Variants in AKAP13 observed in about 807,000 individuals in gnomAD.
AKAP13 encodes the protein A-kinase anchoring protein 13.
Under a neutral mutation model 264.5 loss-of-function variants are expected in AKAP13, and 80 were observed. The observed-to-expected ratio is 0.30, with a 90% confidence interval of 0.25 to 0.36. The LOEUF is 0.36. Ranked by LOEUF, AKAP13 falls within the 10% of genes least tolerant of loss-of-function variation. The probability of loss-of-function intolerance (pLI) is 1.00; values close to 1 mark genes in which losing one functional copy is unlikely to be tolerated. For synonymous variants in AKAP13, 1,380 were observed against 1,250.2 expected, an observed-to-expected ratio of 1.10 and a Z score of -2.19; for missense variants, 3,712 against 3,435.2, an observed-to-expected ratio of 1.08 and a Z score of -2.01.
At chr15:85,449,977 GT>G (rs756224095) in intron 1 of AKAP13, among the ~76,000 whole-genome samples, 6 of 152,048 alleles carry the variant, frequency 3.9e-5, no homozygotes, top group Non-Finnish European at 7.4e-5. Flanking sequence ...TTTTGTAATA[GT>G]TTCTGTAAGA....
intron 2 of AKAP13, among the ~76,000 whole-genome samples, chr15:85,497,340 T>C (rs1284332346): frequency 6.6e-6 from 1 of 152,214 alleles, no homozygotes; most frequent in African/African-American, 2.4e-5. Flanking sequence ...GGAGTGCTGC[T>C]AGACGAGCTG....
chr15:85,403,641 G>A (rs139372469), intron 1 of AKAP13, among the ~76,000 whole-genome samples: 1 of 152,056 alleles, frequency 6.6e-6, no homozygotes, highest in African/African-American at 2.4e-5. Flanking sequence ...AGGAGTTCGA[G>A]ATCAGCCTGA....
In AKAP13 at chr15:85,578,001, G is replaced by A. The variant is rs929853489; in HGVS notation, c.862-929G>A. ...CTTCTGAAGACAATGAAAAATATAG[G>A]TGGGACACAGTGGTGTAGGCCCTAT... On this transcript the variant is annotated intron_variant, in intron 6 of 36. Coordinates refer to ENST00000394518, the MANE Select transcript of AKAP13 (RefSeq NM_007200.5). The A allele has an allele frequency of 1.6e-5, 3 of 191,786 alleles. No homozygotes were observed. In the East Asian group the frequency reaches 5.6e-4, roughly 36 times the overall value. 11.9% of individuals were successfully genotyped at this position (191,786 alleles called of 1,614,324 possible).
At position 85,414,086 on chromosome 15, in the gene AKAP13, T is replaced by C. The variant is rs12437843; in HGVS notation, c.-12+33288T>C. On this transcript the variant is annotated intron_variant, in intron 1 of 36. Coordinates refer to ENST00000394518, the MANE Select transcript of AKAP13 (RefSeq NM_007200.5). ...AAGGTGTAACTCTTTTTAAGGTTTT[T>C]CGTCATGTTTAACTTATGTGTTATT... Among the ~76,000 whole-genome samples, 618 of 152,336 alleles carry C rather than the reference T, an allele frequency of 4.1e-3. 9 individuals carry two copies. Among genetic ancestry groups the C allele is most frequent in the Admixed American group, 0.038 (578 of 15,298 alleles).
At chr15:85,641,481 TAA>T (rs2082307732) in intron 9 of AKAP13, among the ~76,000 whole-genome samples, 1 of 139,972 alleles carries the variant, frequency 7.1e-6, no homozygotes, top group African/African-American at 2.6e-5. Flanking sequence ...AATAAATAAA[TAA>T]ATAAATAAAT....
Position 85,741,116 on chromosome 15 carries a change from G to T in AKAP13, c.7679G>T (p.Arg2560Leu). The T allele has an allele frequency of 6.2e-7, 1 of 1,613,670 alleles. No homozygotes were observed. The highest frequency in any genetic ancestry group is 1.1e-5 in the South Asian group (1 of 91,066). Residue 2560 changes from arginine (R) to leucine (L), a missense_variant, in exon 35 of 37, where the codon CGC becomes CTC. Arg to Leu is a moderately radical substitution (Grantham distance 102, BLOSUM62 -2). Around this residue, in one of 3 missense-constraint regions of AKAP13, gnomAD observed 611 missense variants for 539.3 expected, o/e 1.13. Coordinates refer to ENST00000394518, the MANE Select transcript of AKAP13 (RefSeq NM_007200.5). ...GTGCTGAGCGAGAGGGCGCTCACTC[G>T]CAGCTTGTCCCGCCCGAGCTCCCTC... The part of the protein sequence containing the change: ...KLVLSERALT[R>L]SLSRPSSLIE...
At chr15:85,735,823 C>T (rs1013631316) in intron 32 of AKAP13, among the ~76,000 whole-genome samples, 193 bp downstream of exon 32, 6 of 152,322 alleles carry the variant, frequency 3.9e-5, no homozygotes, top group Admixed American at 2.0e-4. Context: ...TGTTTGGCCT[C>T]ACTGGCTTAG....
intron 2 of AKAP13, 28 bp downstream of exon 2, chr15:85,485,781 T>A (rs1245589273): frequency 6.2e-7 from 1 of 1,608,420 alleles, no homozygotes; most frequent in East Asian, 2.2e-5. Flanking sequence ...TTTCTTATTA[T>A]TTTGTGTTTA....
At chr15:85,486,973 C>T (rs781654536) in intron 2 of AKAP13, among the ~76,000 whole-genome samples, 5 of 152,046 alleles carry the variant, frequency 3.3e-5, no homozygotes, top group Admixed American at 2.6e-4. Flanking sequence ...CTCCTCACCT[C>T]GTGATCCACC....
intron 5 of AKAP13, among the ~76,000 whole-genome samples, chr15:85,573,431 A>G (rs987315116): frequency 2.6e-5 from 4 of 152,142 alleles, no homozygotes; most frequent in Admixed American, 2.6e-4. Context: ...CTGTAATCAC[A>G]GCTACTCAGG....
intron 16 of AKAP13, chr15:85,685,582 T>G (rs1167356167): frequency 6.6e-6 from 1 of 152,184 alleles, no homozygotes; most frequent in Non-Finnish European, 1.5e-5. Context: ...ACTGCCAGGC[T>G]TAAGCAGTTT....
intron 1 of AKAP13, among the ~76,000 whole-genome samples, chr15:85,418,811 T>C (rs2072368425): frequency 6.6e-6 from 1 of 152,212 alleles, no homozygotes; most frequent in South Asian, 2.1e-4. Context: ...AGATAAGGAA[T>C]CAATCGCATA....
At chr15:85,479,833 G>A (rs183159690) in intron 1 of AKAP13, among the ~76,000 whole-genome samples, 35 of 152,244 alleles carry the variant, frequency 2.3e-4, no homozygotes, top group Admixed American at 1.7e-3. Context: ...GTGTAGGTGT[G>A]GCTAAAGAAT....
rs1457049424 is a variant in AKAP13, at chr15:85,435,922, C to A, written c.-11-49788C>A. ...AACTGCATCAACTAACGAGCAAAAT[C>A]ACCAGCTAACATCATAATGACAGGA... is the stretch of plus-strand genomic sequence containing the variant. On this transcript the variant is annotated intron_variant, in intron 1 of 36. Transcript: ENST00000394518. 7.1e-5 allele frequency among the ~76,000 whole-genome samples: 10 copies of A among 140,522 alleles called. No individual in the cohort carries two copies. In the East Asian group the frequency reaches 8.6e-4, roughly 12 times the overall value. 92.2% of individuals were successfully genotyped at this position (140,522 alleles called of 152,430 possible).
chr15:85,665,355 A>C (rs2083533971), intron 13 of AKAP13, among the ~76,000 whole-genome samples: 1 of 152,188 alleles, frequency 6.6e-6, no homozygotes, highest in Admixed American at 6.5e-5. Flanking sequence ...CTCAATAGTA[A>C]ACTGAATCTT....
At chr15:85,432,892 C>G (rs1239103617) in intron 1 of AKAP13, among the ~76,000 whole-genome samples, 2 of 151,914 alleles carry the variant, frequency 1.3e-5, no homozygotes, top group African/African-American at 2.4e-5. Flanking sequence ...TCTGCTATCT[C>G]CTTTCTCTGC....
At chr15:85,638,017 T>G (rs1224098846) in intron 8 of AKAP13, among the ~76,000 whole-genome samples, 2 of 151,068 alleles carry the variant, frequency 1.3e-5, no homozygotes, top group Admixed American at 6.6e-5. Context: ...TAGCTGCGAC[T>G]GCAGGCGCCT....
At chr15:85,714,956 G>C (rs1402533114) in intron 19 of AKAP13, among the ~76,000 whole-genome samples, 2 of 151,388 alleles carry the variant, frequency 1.3e-5, no homozygotes, top group East Asian at 3.9e-4. Flanking sequence ...GACAGAACAA[G>C]ACTGCATTTC....
chr15:85,541,763 G>C (rs925012318), intron 4 of AKAP13, among the ~76,000 whole-genome samples: 11 of 152,204 alleles, frequency 7.2e-5, no homozygotes, highest in Non-Finnish European at 1.3e-4. Context: ...AAACTGCCTA[G>C]CCCAGTGCAT....
Sources: allele counts gnomAD v4.1 joint callset (sites outside exome capture counted in the v4.1 genomes callset), GRCh38; gene constraint gnomAD v4.1.1; regional missense constraint gnomAD v4.1.1; transcripts MANE v1.5; gene names NCBI Gene and HGNC (gene_info 2026-07-23, HGNC 2026-07-21).